The following PAK3 variants were observed in gnomAD, a reference collection of about 807,000 sequenced individuals.
PAK3 encodes serine/threonine-protein kinase PAK 3.
PAK3 carries 4 observed loss-of-function variants against 41.0 expected under a neutral mutation model. The observed-to-expected ratio is 0.10, with a 90% CI of 0.05 to 0.22. The LOEUF (loss-of-function observed/expected upper bound fraction) is 0.22, where lower values mean the gene tolerates loss of function less well. Ranked by LOEUF, PAK3 falls within the 10% of genes least tolerant of loss-of-function variation. PAK3 has a pLI of 1.00. For missense variants in PAK3, 205 were observed against 409.9 expected (o/e 0.50, Z 4.32); for synonymous variants, 146 against 139.6 (o/e 1.05, Z -0.32).
chrX:111,065,054 C>A (rs907458894), intron 1 of PAK3, among the ~76,000 whole-genome samples: 1 of 112,190 alleles, frequency 8.9e-6, no homozygotes, highest in Non-Finnish European at 1.9e-5. Context: ...TTATTTCTTT[C>A]TCTTGCCTAA....
intron 5 of PAK3, among the ~76,000 whole-genome samples, chrX:111,139,909 A>T (rs1309773487): frequency 9.0e-6 from 1 of 111,419 alleles, no homozygotes; most frequent in African/African-American, 3.3e-5. Flanking sequence ...TGTATATAGT[A>T]CATTTTTATG....
intron 16 of PAK3, among the ~76,000 whole-genome samples, chrX:111,199,689 CTTAA>C (rs1569461882): frequency 2.7e-5 from 3 of 111,489 alleles, no homozygotes; most frequent in Admixed American, 9.5e-5. Flanking sequence ...AAATCAGAAA[CTTAA>C]TTAGATTGTC....
chrX:111,100,974 T>C (rs1266220457), intron 3 of PAK3, among the ~76,000 whole-genome samples: 1 of 112,174 alleles, frequency 8.9e-6, no homozygotes, highest in Non-Finnish European at 1.9e-5. Flanking sequence ...ACACACAACA[T>C]GGCATAAAGA....
intron 1 of PAK3, among the ~76,000 whole-genome samples, chrX:111,025,084 A>G (rs2092249458): frequency 9.0e-6 from 1 of 111,582 alleles, no homozygotes. Context: ...GGAAATTAAA[A>G]TAATTATTTG....
At chrX:111,023,540 C>T (rs768943529) in intron 1 of PAK3, among the ~76,000 whole-genome samples, 1 of 112,284 alleles carries the variant, frequency 8.9e-6, no homozygotes, top group South Asian at 3.7e-4. Context: ...TCTCCACATC[C>T]TCTCCAGCAC....
At chrX:111,135,191 T>C (rs752689536) in intron 5 of PAK3, among the ~76,000 whole-genome samples, 37 of 110,840 alleles carry the variant, frequency 3.3e-4, no homozygotes, top group Admixed American at 7.7e-4. Context: ...AGGGACTATT[T>C]AGGGAGGAGA....
chrX:111,183,891 G>A (rs1323504467), intron 11 of PAK3, among the ~76,000 whole-genome samples: 2 of 111,519 alleles, frequency 1.8e-5, no homozygotes, highest in Non-Finnish European at 3.8e-5. Context: ...TGTACTTATC[G>A]CATTTTAATT....
intron 13 of PAK3, among the ~76,000 whole-genome samples, chrX:111,193,235 G>A (rs2094576272): frequency 9.0e-6 from 1 of 110,715 alleles, no homozygotes; most frequent in Non-Finnish European, 1.9e-5. Context: ...CTAAATCTAG[G>A]TCTTCAAACT....
intron 8 of PAK3, among the ~76,000 whole-genome samples, chrX:111,157,818 C>T (rs1015202441): frequency 2.7e-5 from 3 of 110,106 alleles, no homozygotes; most frequent in Non-Finnish European, 5.7e-5. Flanking sequence ...AAAAAAAGAA[C>T]TACATTCTCT....
In PAK3 at chrX:111,043,641, G is replaced by C. The variant is rs184319456; in HGVS notation, c.-27-79436G>C. Among the ~76,000 whole-genome samples the C allele has an allele frequency of 3.5e-3, 397 of 112,310 alleles. 2 individuals are homozygous for C. The highest frequency in any genetic ancestry group is 6.6e-3 in the Non-Finnish European group (349 of 53,257). ...TTCTTCAGAGAGAGAATTTGTATTT[G>C]CTTTAGTGAGAATCCTGAGGCATTG... On this transcript the variant is annotated intron_variant, in intron 1 of 14. Transcript: ENST00000425146.
intron 1 of PAK3, among the ~76,000 whole-genome samples, chrX:110,959,833 A>G (rs1313083740): frequency 2.7e-5 from 3 of 112,180 alleles, no homozygotes; most frequent in Admixed American, 9.5e-5. Context: ...CTGAAAAAGA[A>G]GCGAAAAAAG....
At chrX:110,993,481 C>G (rs2091685751) in intron 1 of PAK3, among the ~76,000 whole-genome samples, 1 of 111,606 alleles carries the variant, frequency 9.0e-6, no homozygotes, top group Non-Finnish European at 1.9e-5. Context: ...TCTTAAAACA[C>G]AGTAAGTACA....
intron 1 of PAK3, among the ~76,000 whole-genome samples, chrX:110,946,106 A>T (rs1056459013): frequency 9.0e-6 from 1 of 111,468 alleles, no homozygotes; most frequent in African/African-American, 3.3e-5. Context: ...CAAGGGAGGT[A>T]TGCTTGATTG....
At chrX:111,194,808 T>C (rs2094596235) in intron 14 of PAK3, among the ~76,000 whole-genome samples, 1 of 111,834 alleles carries the variant, frequency 8.9e-6, no homozygotes, top group African/African-American at 3.3e-5. Flanking sequence ...TAAAATAAAT[T>C]ATATTTTCAT....
intron 1 of PAK3, among the ~76,000 whole-genome samples, chrX:110,980,996 G>A (rs765782431): frequency 4.0e-4 from 45 of 111,866 alleles, no homozygotes; most frequent in Non-Finnish European, 6.2e-4. Flanking sequence ...GGGAGAAGGG[G>A]TCGGTTTCTA....
intron 1 of PAK3, among the ~76,000 whole-genome samples, chrX:111,054,488 A>G (rs1192866993): frequency 8.9e-6 from 1 of 112,243 alleles, no homozygotes; most frequent in Non-Finnish European, 1.9e-5. Flanking sequence ...CATCTGTTGT[A>G]TGGCTTATAA....
At chrX:111,181,161 G>A (rs895433680) in intron 11 of PAK3, among the ~76,000 whole-genome samples, 2 of 111,924 alleles carry the variant, frequency 1.8e-5, no homozygotes, top group African/African-American at 6.5e-5. Flanking sequence ...AAAGCATGTG[G>A]CAAAACAAAA....
intron 8 of PAK3, among the ~76,000 whole-genome samples, chrX:111,155,447 G>A (rs1314894816): frequency 9.2e-6 from 1 of 108,304 alleles, no homozygotes; most frequent in Non-Finnish European, 1.9e-5. Flanking sequence ...GCTGCAGTGA[G>A]GCGTGATTGT....
At chrX:111,173,500 G>A (rs1400203641) in intron 11 of PAK3, among the ~76,000 whole-genome samples, 1 of 111,475 alleles carries the variant, frequency 9.0e-6, no homozygotes, top group Non-Finnish European at 1.9e-5. Context: ...CAAACTGAGG[G>A]TGGGGAATGT....
Sources: gnomAD v4.1 joint callset for allele counts (sites outside exome capture counted in the v4.1 genomes callset) on GRCh38, gnomAD v4.1.1 for gene constraint, MANE v1.5 for transcripts, NCBI Gene and HGNC (gene_info 2026-07-23, HGNC 2026-07-21) for gene names.